Variants in AFF3 observed in about 807,000 individuals in gnomAD.
The protein encoded by AFF3 is ALF transcription elongation factor 3, also known as AF4/FMR2 family member 3.
In AFF3, 32 loss-of-function variants were observed where a neutral mutation model predicts 129.7. That is an observed-to-expected ratio of 0.25 (90% CI 0.19 to 0.33). The LOEUF (loss-of-function observed/expected upper bound fraction) is 0.33. Among genes scored for constraint, AFF3 ranks in the 10% least tolerant of loss-of-function variants. The pLI, the probability that AFF3 is intolerant of heterozygous loss-of-function variation, is 1.00. For missense variants in AFF3, 1,373 were observed against 1,592.0 expected (o/e 0.86, Z 2.34); for synonymous variants, 644 against 635.4 (o/e 1.01, Z -0.20).
At chr2:99,852,410 A>G (rs1386224842) in intron 7 of AFF3, among the ~76,000 whole-genome samples, 1 of 152,086 alleles carries the variant, frequency 6.6e-6, no homozygotes, top group East Asian at 1.9e-4. Flanking sequence ...TCCCGGAAAA[A>G]CCCTCCTGAA....
At chr2:99,661,528 G>A (rs1192624133) in intron 12 of AFF3, among the ~76,000 whole-genome samples, 1 of 152,062 alleles carries the variant, frequency 6.6e-6, no homozygotes, top group Non-Finnish European at 1.5e-5. Context: ...GGGTCCTCAG[G>A]CTGAAACTAG....
At chr2:100,029,697 T>C (rs1056650527) in intron 4 of AFF3, among the ~76,000 whole-genome samples, 1 of 152,192 alleles carries the variant, frequency 6.6e-6, no homozygotes, top group African/African-American at 2.4e-5. Context: ...ATAGATATAA[T>C]TTCAGTTTTG....
chr2:100,007,099 T>C (rs1682042962), intron 6 of AFF3, 49 bp downstream of exon 6: 1 of 1,597,992 alleles, frequency 6.3e-7, no homozygotes, highest in Non-Finnish European at 8.5e-7. Context: ...TATAGTTCTC[T>C]GGGTTTTAGC....
chr2:100,113,799 A>G (rs1189989028), intron 2 of AFF3, among the ~76,000 whole-genome samples: 1 of 152,148 alleles, frequency 6.6e-6, no homozygotes, highest in African/African-American at 2.4e-5. Flanking sequence ...AAAACCACAG[A>G]ATAGAGCACA....
At chr2:100,050,484 C>A (rs941470323) in intron 4 of AFF3, among the ~76,000 whole-genome samples, 6 of 152,070 alleles carry the variant, frequency 3.9e-5, no homozygotes, top group Admixed American at 3.9e-4. Context: ...AGAATCCATG[C>A]CACAGAGCAG....
chr2:99,951,437 T>C (rs1676153971), intron 7 of AFF3, among the ~76,000 whole-genome samples: 1 of 152,104 alleles, frequency 6.6e-6, no homozygotes, highest in South Asian at 2.1e-4. Context: ...CATCATGAAA[T>C]CCCGTATTTT....
intron 4 of AFF3, among the ~76,000 whole-genome samples, chr2:100,024,231 CAAAAAAAAAAAAAA>C (rs56368025): frequency 5.4e-5 from 3 of 56,044 alleles, no homozygotes; most frequent in East Asian, 1.4e-3. Flanking sequence ...GACTCCGTCT[CAAAAAAAAAAAAAA>C]AAAAAAAAAA....
Position 99,593,950 on chromosome 2 carries a change from G to A in AFF3, c.1711C>T (p.Pro571Ser), listed in dbSNP as rs199529966. The change falls in exon 15 of 25, where the codon CCC becomes TCC. Residue 571 changes from proline (P) to serine (S), a missense_variant. Physicochemically the swap from Pro to Ser is moderately conservative, Grantham distance 74 (BLOSUM62 -1). This residue lies in a region of AFF3 where 413 missense variants were observed against 424.4 expected (regional missense o/e 0.97). Coordinates refer to ENST00000672756, the MANE Select transcript of AFF3 (RefSeq NM_001386135.1). ...AAPPPAVPCA[P>S]AENAPAPARR... is the part of the protein sequence containing the mutation. ...GCAGGCGCGGGCGCGTTCTCCGCGGGCGCACAGGGCACTGCGGGTGGCGGG... is the reference window on the plus strand; with the variant it reads ...GCAGGCGCGGGCGCGTTCTCCGCGGACGCACAGGGCACTGCGGGTGGCGGG... The A allele has an allele frequency of 6.9e-7, 1 of 1,441,654 alleles. No individual in the cohort carries two copies. The highest frequency in any genetic ancestry group is 1.5e-5 in the African/African-American group (1 of 67,484). 89.3% of individuals were successfully genotyped at this position (1,441,654 alleles called of 1,614,324 possible). A position where few individuals can be genotyped will look rare whatever the true frequency, so the allele number is the denominator to read the frequency against.
At chr2:99,612,473 G>A (rs1263697485) in intron 13 of AFF3, among the ~76,000 whole-genome samples, 2 of 152,198 alleles carry the variant, frequency 1.3e-5, no homozygotes, top group Non-Finnish European at 2.9e-5. Context: ...ACACAGCCTC[G>A]TGAGAAAAAT....
At chr2:99,630,911 C>T (rs1161287626) in intron 13 of AFF3, 2 of 359,400 alleles carry the variant, frequency 5.6e-6, no homozygotes, top group Non-Finnish European at 1.2e-5. Flanking sequence ...GTGTTCTGGG[C>T]TCACCTTGTA....
In AFF3 at chr2:99,933,495, C is replaced by A. The variant is rs1018888271; in HGVS notation, c.873+73137G>T. Among the ~76,000 whole-genome samples the A allele has an allele frequency of 3.3e-5, 5 of 152,164 alleles. No individual in the cohort carries two copies. In the East Asian group the frequency reaches 5.8e-4, roughly 18 times the overall value. On this transcript the variant is annotated intron_variant, in intron 7 of 24. Transcript: ENST00000672756. Reference sequence around the variant, plus strand: ...TAATGCTATCCCTCACCTTGCCCCCCACCCCCCGACAGGCCCTGACAGACA... The same window carrying A: ...TAATGCTATCCCTCACCTTGCCCCCAACCCCCCGACAGGCCCTGACAGACA...
intron 15 of AFF3, among the ~76,000 whole-genome samples, chr2:99,592,742 C>T (rs1208029302): frequency 2.0e-5 from 3 of 151,932 alleles, no homozygotes; most frequent in Non-Finnish European, 4.4e-5. Flanking sequence ...GAGACCAGCC[C>T]GGCCAACATG....
intron 7 of AFF3, among the ~76,000 whole-genome samples, chr2:99,997,416 A>T (rs1680946173): frequency 6.6e-6 from 1 of 151,926 alleles, no homozygotes; most frequent in Non-Finnish European, 1.5e-5. Context: ...CTCTCCTTCA[A>T]AATATATAGA....
chr2:99,981,625 T>C (rs959142201), intron 7 of AFF3, among the ~76,000 whole-genome samples: 1 of 152,216 alleles, frequency 6.6e-6, no homozygotes, highest in Non-Finnish European at 1.5e-5. Context: ...TTTTCCTACA[T>C]GTTTTTGAAT....
chr2:99,897,601 C>G (rs1326800642), intron 7 of AFF3, among the ~76,000 whole-genome samples: 1 of 152,192 alleles, frequency 6.6e-6, no homozygotes, highest in South Asian at 2.1e-4. Context: ...CTTCTTATCT[C>G]ACCTTGCAAG....
chr2:99,923,928 ATAGGAAAATCTCACTT>A (rs1361846024), intron 7 of AFF3, among the ~76,000 whole-genome samples: 1 of 152,198 alleles, frequency 6.6e-6, no homozygotes, highest in African/African-American at 2.4e-5. Flanking sequence ...CCTATAAAAG[ATAGGAAAATCTCACTT>A]TAAGGAATAT....
rs1691093992 is a variant in AFF3, at chr2:100,104,713, G to A, written c.-64-195C>T. 3 of 964,082 alleles carry A rather than the reference G, an allele frequency of 3.1e-6. No homozygotes were observed. The African/African-American group carries it at 5.7e-5, about 18-fold the overall frequency. The allele number at this position is 964,082 out of a possible 1,614,324, so 59.7% of individuals were successfully genotyped here. ...AGGCACACTCAAGAGAGAGCAGCGA[G>A]CTCGCCGCGCCGCCGCCGCCCCCCG... is the stretch of plus-strand genomic sequence containing the variant. On this transcript the variant is annotated intron_variant, in intron 3 of 24. Coordinates refer to ENST00000672756, the MANE Select transcript of AFF3 (RefSeq NM_001386135.1).
chr2:99,786,096 A>G (rs1316447775), intron 8 of AFF3, among the ~76,000 whole-genome samples: 1 of 152,210 alleles, frequency 6.6e-6, no homozygotes, highest in Non-Finnish European at 1.5e-5. Context: ...CCCCATGGCC[A>G]TTCGTTGAGT....
At chr2:100,077,668 G>A (rs1688687954) in intron 4 of AFF3, among the ~76,000 whole-genome samples, 1 of 152,154 alleles carries the variant, frequency 6.6e-6, no homozygotes, top group Non-Finnish European at 1.5e-5. Context: ...CTAGGAGTTT[G>A]GGGAAGTGGA....
Sources: allele counts gnomAD v4.1 joint callset (sites outside exome capture counted in the v4.1 genomes callset), GRCh38; gene constraint gnomAD v4.1.1; regional missense constraint gnomAD v4.1.1; transcripts MANE v1.5; gene names NCBI Gene and HGNC (gene_info 2026-07-23, HGNC 2026-07-21).